The following BTK variants were observed in gnomAD, a reference collection of about 807,000 sequenced individuals.
The protein encoded by BTK is Bruton tyrosine kinase.
Under a neutral mutation model 57.4 loss-of-function variants are expected in BTK, and 5 were observed. The observed-to-expected ratio is 0.09, with a 90% confidence interval of 0.05 to 0.18. The LOEUF is 0.18. Ranked by LOEUF, BTK falls within the 10% of genes least tolerant of loss-of-function variation. The probability of loss-of-function intolerance (pLI) is 1.00; values close to 1 mark genes in which losing one functional copy is unlikely to be tolerated. For missense variants in BTK, 194 were observed against 501.2 expected (o/e 0.39, Z 5.85); for synonymous variants, 154 against 174.3 (o/e 0.88, Z 0.92).
At chrX:101,358,559 G>A in intron 11 of BTK, 58 bp downstream of exon 11, 1 of 1,167,710 alleles carries the variant, frequency 8.6e-7, no homozygotes, top group Non-Finnish European at 1.2e-6. Context: ...GCATCAAGGA[G>A]CTATTAGGAG....
At chrX:101,365,116 G>T (rs1555979287) in intron 5 of BTK, among the ~76,000 whole-genome samples, 1 of 110,845 alleles carries the variant, frequency 9.0e-6, no homozygotes, top group Non-Finnish European at 1.9e-5. Flanking sequence ...CTAAGCACTG[G>T]TAGAGTTGTG....
intron 8 of BTK, 114 bp from the exon 9 acceptor site, chrX:101,360,264 C>G: frequency 1.7e-6 from 1 of 582,360 alleles, no homozygotes; most frequent in East Asian, 3.3e-5. Context: ...GTATATGTAT[C>G]ATGCACCTCC....
intron 13 of BTK, 75 bp from the exon 14 acceptor site, chrX:101,357,030 G>A (rs1926507817): frequency 2.7e-6 from 3 of 1,105,541 alleles, no homozygotes; most frequent in African/African-American, 3.6e-5. Flanking sequence ...AATCCCTACT[G>A]GGGTAGAAAT....
chrX:101,386,806 T>C (rs1927623736), upstream of BTK, among the ~76,000 whole-genome samples: 1 of 112,266 alleles, frequency 8.9e-6, no homozygotes, highest in Admixed American at 9.4e-5. Flanking sequence ...TTTCTGTGGA[T>C]GTTGACTTTC....
At chrX:101,361,698 A>C (rs782271041) in intron 7 of BTK, among the ~76,000 whole-genome samples, 48 of 111,149 alleles carry the variant, frequency 4.3e-4, no homozygotes, top group Non-Finnish European at 7.7e-4. Flanking sequence ...GTTCGAGACC[A>C]GCCTGAACAA....
rs781972872 is a variant in BTK at position 101,349,841 on chromosome X, G to C, written c.*44C>G. Reference sequence around the variant, plus strand: ...TTTCCTCTGAGAAAGTGAAATTGGGGCTTGTGGAGAAGAGAAGTAGAACCA... The same window carrying C: ...TTTCCTCTGAGAAAGTGAAATTGGGCCTTGTGGAGAAGAGAAGTAGAACCA... On this transcript the variant is annotated 3_prime_UTR_variant, in exon 19 of 19. Transcript: ENST00000308731. The C allele has an allele frequency of 9.0e-6, 10 of 1,113,492 alleles. No homozygotes were observed. In the South Asian group the frequency reaches 1.7e-4, roughly 18 times the overall value. The allele number at this position is 1,113,492 out of a possible 1,213,427, so 91.8% of individuals were successfully genotyped here. A position where few individuals can be genotyped will look rare whatever the true frequency, so the allele number is the denominator to read the frequency against.
chrX:101,372,821 C>T lies in BTK; in HGVS notation c.241-1120G>A, dbSNP rs782789934. Among the ~76,000 whole-genome samples the T allele has an allele frequency of 4.7e-5, 5 of 107,248 alleles. No individual in the cohort carries two copies. The East Asian group carries it at 9.1e-4, about 19-fold the overall frequency. 93.1% of individuals were successfully genotyped at this position (107,248 alleles called of 115,157 possible). A position where few individuals can be genotyped will look rare whatever the true frequency, so the allele number is the denominator to read the frequency against. ...GTGTTGGGCTGGGCACAGTGGCTCA[C>T]GCCTGTAATCCCAGCACTTTGGGAG... On this transcript the variant is annotated intron_variant, in intron 3 of 18. Coordinates refer to ENST00000308731, the MANE Select transcript of BTK (RefSeq NM_000061.3).
At chrX:101,360,007 T>C (rs1307750735) in intron 9 of BTK, 81 bp downstream of exon 9, 24 of 246,600 alleles carry the variant, frequency 9.7e-5, no homozygotes, top group Non-Finnish European at 1.5e-4. Flanking sequence ...ATATAAAATA[T>C]ATATAAATAA....
rs147512981 is a variant in BTK at position 101,352,892 on chromosome X, G to A, written c.1908+302C>T. ...CCAGCCTGGGTGACAGAGCAAGACT[G>A]TGTCACCAAAAAAAAAAAAAAAAAT... On this transcript the variant is annotated intron_variant, in intron 18 of 18. Coordinates refer to ENST00000308731, the MANE Select transcript of BTK (RefSeq NM_000061.3). Among the ~76,000 whole-genome samples the A allele has an allele frequency of 0.019, 1,860 of 98,371 alleles. 56 individuals carry two copies. Among genetic ancestry groups the A allele is most frequent in the African/African-American group, 0.069 (1,759 of 25,556 alleles). 85.4% of individuals were successfully genotyped at this position (98,371 alleles called of 115,157 possible). A position where few individuals can be genotyped will look rare whatever the true frequency, so the allele number is the denominator to read the frequency against.
intron 16 of BTK, 69 bp from the exon 17 acceptor site, chrX:101,354,057 C>T (rs781839953): frequency 2.9e-5 from 24 of 813,936 alleles, no homozygotes; most frequent in Admixed American, 8.8e-5. Flanking sequence ...TTTCTTGGCA[C>T]GGTCACAAGA....
intron 5 of BTK, among the ~76,000 whole-genome samples, chrX:101,367,426 A>G (rs1369896979): frequency 3.7e-5 from 4 of 107,781 alleles, no homozygotes; most frequent in African/African-American, 1.4e-4. Context: ...ACCTGAGGTC[A>G]GGAGTTTGAG....
At chrX:101,354,795 C>T in intron 15 of BTK, 101 bp from the exon 16 acceptor site, 1 of 785,946 alleles carries the variant, frequency 1.3e-6, no homozygotes, top group Non-Finnish European at 2.0e-6. Flanking sequence ...GAAGCTTCAT[C>T]TCCTTCGACT....
intron 12 of BTK, 85 bp from the exon 13 acceptor site, chrX:101,357,668 C>T (rs1364714948): frequency 2.8e-5 from 21 of 746,834 alleles, no homozygotes; most frequent in East Asian, 6.3e-5. Flanking sequence ...CTCACACTTC[C>T]GGTGTGTATC....
chrX:101,373,069 G>A (rs1355524307), intron 3 of BTK, among the ~76,000 whole-genome samples: 1 of 109,281 alleles, frequency 9.2e-6, no homozygotes, highest in African/African-American at 3.3e-5. Context: ...GCGACACAGC[G>A]AGACTCCATC....
chrX:101,390,620 T>C (rs782782300), upstream of BTK: 170 of 502,996 alleles, frequency 3.4e-4, no homozygotes, highest in Non-Finnish European at 5.2e-4. Flanking sequence ...GCGAAAGGTG[T>C]TCCCAGTGAC....
At chrX:101,375,979 G>T (rs995323786) in intron 1 of BTK, among the ~76,000 whole-genome samples, 8 of 39,417 alleles carry the variant, frequency 2.0e-4, no homozygotes. Flanking sequence ...GGTTTTGGTG[G>T]GGGGGGGGTA....
rs782467781 is a variant in BTK, at chrX:101,360,638, G to A, written c.706C>T (p.Arg236Trp). 7.4e-6 allele frequency: 9 copies of A among 1,209,684 alleles called. No individual in the cohort carries two copies. The East Asian group carries it at 8.9e-5, about 12-fold the overall frequency. ...MPMNANDLQL[R>W]KGDEYFILEE... ...AAGATAAAATATTCATCACCCTTCC[G>A]CAGCTGTAGATCATTTGCATTCATT... is the stretch of plus-strand genomic sequence containing the variant. Residue 236 changes from arginine to tryptophan, a missense_variant, in exon 8 of 19, where the codon CGG becomes TGG. Coordinates refer to ENST00000308731, the MANE Select transcript of BTK (RefSeq NM_000061.3).
At chrX:101,366,046 C>T in intron 5 of BTK, among the ~76,000 whole-genome samples, 1 of 111,940 alleles carries the variant, frequency 8.9e-6, no homozygotes, top group East Asian at 2.8e-4. Context: ...CTGAGGTGGG[C>T]AGATCACTTG....
intron 4 of BTK, among the ~76,000 whole-genome samples, chrX:101,370,918 G>A (rs1927010234): frequency 8.9e-6 from 1 of 112,419 alleles, no homozygotes; most frequent in Admixed American, 9.4e-5. Context: ...CAAAGGTTTC[G>A]TAAATTTGAT....
Sources: gnomAD v4.1 joint callset for allele counts (sites outside exome capture counted in the v4.1 genomes callset) on GRCh38, gnomAD v4.1.1 for gene constraint, MANE v1.5 for transcripts, NCBI Gene and HGNC (gene_info 2026-07-23, HGNC 2026-07-21) for gene names.